Variants in SKOR2 observed in about 807,000 individuals in gnomAD.
The protein encoded by SKOR2 is LBX1 corepressor 1-like protein.
A neutral mutation model predicts 69.1 loss-of-function variants in SKOR2; 47 were observed. The observed-to-expected ratio is 0.68, with a 90% CI of 0.54 to 0.87. The LOEUF (loss-of-function observed/expected upper bound fraction) is 0.87. SKOR2 is among the 40% of genes least tolerant of loss of function. SKOR2 has a pLI of 0.00. For synonymous variants in SKOR2, 717 were observed against 672.6 expected, an observed-to-expected ratio of 1.07 and a Z score of -1.02; for missense variants, 1,404 against 1,472.2, an observed-to-expected ratio of 0.95 and a Z score of 0.76.
intron 6 of SKOR2, among the ~76,000 whole-genome samples, chr18:47,222,399 A>G: frequency 6.6e-6 from 1 of 152,102 alleles, no homozygotes; most frequent in East Asian, 1.9e-4. Context: ...TTTCCTGTGC[A>G]GGGGAAGTGA....
Position 47,248,557 on chromosome 18 carries a change from C to T in SKOR2, c.627G>A (p.Trp209Ter). 1 of 1,537,700 alleles carries T rather than the reference C, an allele frequency of 6.5e-7. No individual in the cohort carries two copies. Among genetic ancestry groups the T allele is most frequent in the Non-Finnish European group, 8.7e-7 (1 of 1,147,064 alleles). ...TGTCGGTGAGCTTGAGATGACGGCG[C>T]CACGAGTTGAAGTTGGCTGCGTCTG... ...TQPDAANFNS[W>*]RRHLKLTDKS... is the part of the protein sequence containing the mutation. Residue 209 changes from tryptophan to a stop codon, truncating the protein, a stop_gained, in exon 2 of 9, where the codon TGG becomes TGA. Transcript: ENST00000425639. LOFTEE classifies it high-confidence loss of function. The surrounding 1 kb of genome is among the most constrained non-coding windows in gnomAD (Gnocchi z 6.4).
Position 47,246,811 on chromosome 18 carries a change from T to A in SKOR2, c.2373A>T (p.Arg791=). 7.0e-7 allele frequency: 1 copy of A among 1,426,966 alleles called. No homozygotes were observed. The highest frequency in any genetic ancestry group is 9.1e-7 in the Non-Finnish European group (1 of 1,099,468). The allele number at this position is 1,426,966 out of a possible 1,614,324, so 88.4% of individuals were successfully genotyped here. A position where few individuals can be genotyped will look rare whatever the true frequency, so the allele number is the denominator to read the frequency against. The change falls in exon 2 of 9, where the codon CGA becomes CGT. Residue 791 remains arginine (R), a synonymous_variant. Coordinates refer to ENST00000425639, the MANE Select transcript of SKOR2 (RefSeq NM_001278063.4). ...LVGGGRFLQG[R]GPSEKGSSRD... is the part of the protein sequence containing the mutation. Reference sequence around the variant, plus strand: ...GGCTGCTCCCCTTCTCCGACGGCCCTCGGCCCTGGAGGAACCGGCCGCCCC... The same window carrying A: ...GGCTGCTCCCCTTCTCCGACGGCCCACGGCCCTGGAGGAACCGGCCGCCCC...
rs1164473968 is a variant in SKOR2, at chr18:47,251,363, T to C, written c.-48+11A>G. ...TGTGTGCCGGATTGGGGCGGCCGGTTCCGGCAATACCTGGTAACCTCTGGG... is the reference window on the plus strand; with the variant it reads ...TGTGTGCCGGATTGGGGCGGCCGGTCCCGGCAATACCTGGTAACCTCTGGG... On this transcript the variant is annotated intron_variant, in intron 1 of 8. Transcript: ENST00000425639. 1 of 152,210 alleles carries C rather than the reference T, an allele frequency of 6.6e-6. No individual in the cohort carries two copies. Among genetic ancestry groups the C allele is most frequent in the Non-Finnish European group, 1.5e-5 (1 of 68,064 alleles). The allele number at this position is 152,210 out of a possible 1,614,324, so 9.4% of individuals were successfully genotyped here.
At chr18:47,235,574 G>A (rs560565028) in intron 4 of SKOR2, among the ~76,000 whole-genome samples, 2 of 152,114 alleles carry the variant, frequency 1.3e-5, no homozygotes, top group Admixed American at 6.5e-5. Context: ...GTCAGGAGTC[G>A]GCTTTCCTGG....
intron 4 of SKOR2, among the ~76,000 whole-genome samples, chr18:47,232,404 G>T (rs914021745): frequency 6.6e-6 from 1 of 152,182 alleles, no homozygotes; most frequent in Non-Finnish European, 1.5e-5. Context: ...AAATAAACCA[G>T]AATCCAATCA....
At position 47,246,553 on chromosome 18, in the gene SKOR2, C is replaced by A; in HGVS notation, c.2613+18G>T. On this transcript the variant is annotated intron_variant, in intron 2 of 8. Coordinates refer to ENST00000425639, the MANE Select transcript of SKOR2 (RefSeq NM_001278063.4). ...AATAATAATAATTAGCTTGAAGGAG[C>A]CTAAAGGGGATATTTACATCTTTGT... The A allele has an allele frequency of 6.6e-7, 1 of 1,505,946 alleles. No individual in the cohort carries two copies. Among genetic ancestry groups the A allele is most frequent in the Non-Finnish European group, 8.8e-7 (1 of 1,135,814 alleles). The allele number at this position is 1,505,946 out of a possible 1,614,324, so 93.3% of individuals were successfully genotyped here.
At chr18:47,209,407 A>C (rs900046897) in intron 8 of SKOR2, among the ~76,000 whole-genome samples, 7 of 152,088 alleles carry the variant, frequency 4.6e-5, no homozygotes, top group Non-Finnish European at 1.0e-4. Flanking sequence ...TTATTTTGTA[A>C]TCTCTCTTGG....
Position 47,231,199 on chromosome 18 carries a change from C to A in SKOR2, c.2753-199G>T, listed in dbSNP as rs1174890640. Reference sequence around the variant, plus strand: ...GGAGGGGAGGTGCAGAAAAGGAGGGCAGAGCCTGCCTGGCCTGTGATGGCA... The same window carrying A: ...GGAGGGGAGGTGCAGAAAAGGAGGGAAGAGCCTGCCTGGCCTGTGATGGCA... On this transcript the variant is annotated intron_variant, in intron 4 of 8. Coordinates refer to ENST00000425639, the MANE Select transcript of SKOR2 (RefSeq NM_001278063.4). 5.2e-6 allele frequency: 8 copies of A among 1,534,698 alleles called. No individual in the cohort carries two copies. In the Admixed American group the frequency reaches 7.9e-5, roughly 15 times the overall value.
chr18:47,247,521 C>T lies in SKOR2; in HGVS notation c.1663G>A (p.Asp555Asn). The T allele has an allele frequency of 8.2e-7, 1 of 1,212,848 alleles. No individual in the cohort carries two copies. The highest frequency in any genetic ancestry group is 1.0e-6 in the Non-Finnish European group (1 of 976,792). 75.1% of individuals were successfully genotyped at this position (1,212,848 alleles called of 1,614,324 possible). ...PPPAGGAGSRDALFESPPGGS... is the reference protein window; with the variant it reads ...PPPAGGAGSRNALFESPPGGS... ...CCCGGGGGCGACTCGAAGAGCGCGTCGCGAGAGCCGGCGCCCCCGGCAGGA... is the reference window on the plus strand; with the variant it reads ...CCCGGGGGCGACTCGAAGAGCGCGTTGCGAGAGCCGGCGCCCCCGGCAGGA... Residue 555 changes from aspartate (D) to asparagine (N), a missense_variant, in exon 2 of 9, where the codon GAC (aspartate) becomes AAC (asparagine). Asp to Asn is a conservative substitution (Grantham distance 23). Coordinates refer to ENST00000425639, the MANE Select transcript of SKOR2 (RefSeq NM_001278063.4). The surrounding 1 kb of genome is among the most constrained non-coding windows in gnomAD (Gnocchi z 6.6).
chr18:47,245,561 T>A lies in SKOR2; in HGVS notation c.2614A>T (p.Ser872Cys). 6.6e-7 allele frequency: 1 copy of A among 1,519,334 alleles called. No individual in the cohort carries two copies. The highest frequency in any genetic ancestry group is 1.7e-4 in the Middle Eastern group (1 of 5,918). 94.1% of individuals were successfully genotyped at this position (1,519,334 alleles called of 1,614,324 possible). A position where few individuals can be genotyped will look rare whatever the true frequency, so the allele number is the denominator to read the frequency against. Residue 872 changes from serine to cysteine, a missense_variant and splice_region_variant, in exon 3 of 9, where the codon AGT becomes TGT. Around this residue, in one of 3 missense-constraint regions of SKOR2, gnomAD observed 1,266 missense variants for 1,309.9 expected, o/e 0.97. Coordinates refer to ENST00000425639, the MANE Select transcript of SKOR2 (RefSeq NM_001278063.4). ...TGGTTATTTTCCTTAGTTTTCTGAC[T>A]CTGTGTGGAAAAGAATTAGACATAC... ...SLEEQPSYKD[S>C]QKTKENNQVI...
intron 6 of SKOR2, among the ~76,000 whole-genome samples, chr18:47,223,567 G>A (rs2064168518): frequency 6.6e-6 from 1 of 152,124 alleles, no homozygotes; most frequent in Admixed American, 6.5e-5. Context: ...CTAAAACTTG[G>A]ACAAACCTTA....
At chr18:47,240,335 A>G (rs2064243415) in intron 4 of SKOR2, among the ~76,000 whole-genome samples, 1 of 152,206 alleles carries the variant, frequency 6.6e-6, no homozygotes, top group Admixed American at 6.5e-5. Context: ...TAACTTCACT[A>G]AAGTTATTCA....
chr18:47,245,701 G>T, intron 2 of SKOR2, 140 bp from the exon 3 acceptor site: 1 of 698,252 alleles, frequency 1.4e-6, no homozygotes, highest in South Asian at 2.4e-5. Flanking sequence ...ATTATTCTTT[G>T]AATACTTTTT....
chr18:47,230,140 A>G (rs1321046603), intron 6 of SKOR2, among the ~76,000 whole-genome samples: 2 of 152,024 alleles, frequency 1.3e-5, no homozygotes, highest in East Asian at 3.9e-4. Context: ...TTTAAAATCT[A>G]TAATCGAACT....
At chr18:47,208,672 G>A (rs754378925) in intron 8 of SKOR2, among the ~76,000 whole-genome samples, 4 of 152,140 alleles carry the variant, frequency 2.6e-5, no homozygotes, top group Admixed American at 6.5e-5. Context: ...CAGGAAGTGC[G>A]TCACAGAAAT....
Position 47,248,599 on chromosome 18 carries a change from G to A in SKOR2, c.585C>T (p.Asp195=), listed in dbSNP as rs977684013. Residue 195 remains aspartate, a synonymous_variant, in exon 2 of 9, where the codon GAC becomes GAT. Coordinates refer to ENST00000425639, the MANE Select transcript of SKOR2 (RefSeq NM_001278063.4). The surrounding 1 kb of genome is among the most constrained non-coding windows in gnomAD (Gnocchi z 6.4). ...KFIFHSHRTP[D]AKYTQPDAAN... Reference sequence around the variant, plus strand: ...CTGCGTCTGGCTGAGTGTACTTGGCGTCGGGCGTGCGGTGGGAGTGGAAAA... The same window carrying A: ...CTGCGTCTGGCTGAGTGTACTTGGCATCGGGCGTGCGGTGGGAGTGGAAAA... 4 of 1,542,492 alleles carry A rather than the reference G, an allele frequency of 2.6e-6. No individual in the cohort carries two copies. The highest frequency in any genetic ancestry group is 3.9e-5 in the Admixed American group (2 of 51,540).
intron 4 of SKOR2, among the ~76,000 whole-genome samples, chr18:47,244,139 T>A (rs2064260698): frequency 6.6e-6 from 1 of 152,228 alleles, no homozygotes; most frequent in African/African-American, 2.4e-5. Flanking sequence ...ATAAGATTCC[T>A]TTAAGATCCT....
intron 6 of SKOR2, among the ~76,000 whole-genome samples, chr18:47,222,174 T>G (rs8091902): frequency 0.62 from 94,805 of 151,796 alleles, 30,126 homozygotes; most frequent in African/African-American, 0.76. Flanking sequence ...TACAAAAAAT[T>G]ATCTGAGCAT....
At chr18:47,213,409 A>T (rs2064134012) in intron 7 of SKOR2, among the ~76,000 whole-genome samples, 1 of 147,762 alleles carries the variant, frequency 6.8e-6, no homozygotes, top group East Asian at 2.0e-4. Flanking sequence ...TATAAATATT[A>T]TATATATATA....
Sources: allele counts gnomAD v4.1 joint callset (sites outside exome capture counted in the v4.1 genomes callset), GRCh38; gene constraint gnomAD v4.1.1; regional missense constraint gnomAD v4.1.1; non-coding constraint Gnocchi (gnomAD v3.1); transcripts MANE v1.5; gene names NCBI Gene and HGNC (gene_info 2026-07-23, HGNC 2026-07-21).